Variants in GPSM1 observed in about 807,000 individuals in gnomAD.
GPSM1 encodes G protein signaling modulator 1, also known as G protein-signaling modulator 1.
A neutral mutation model predicts 70.5 loss-of-function variants in GPSM1; 48 were observed. The ratio of observed to expected loss-of-function variants is 0.68; its 90% CI spans 0.54 to 0.87. The LOEUF (loss-of-function observed/expected upper bound fraction) is 0.87, where lower values mean the gene tolerates loss of function less well. GPSM1 is among the 40% of genes least tolerant of loss of function. The probability of loss-of-function intolerance (pLI) is 0.00; values close to 1 mark genes in which losing one functional copy is unlikely to be tolerated. For synonymous variants in GPSM1, 416 were observed against 430.1 expected, an observed-to-expected ratio of 0.97 and a Z score of 0.41; for missense variants, 981 against 972.6, an observed-to-expected ratio of 1.01 and a Z score of -0.11.
chr9:136,339,145 C>T (rs1233222522), intron 7 of GPSM1, among the ~76,000 whole-genome samples: 3 of 152,160 alleles, frequency 2.0e-5, no homozygotes, highest in African/African-American at 7.2e-5. Context: ...TGCCTGGAGG[C>T]TTAAAAGTGG....
rs781879530 is a variant in GPSM1, at chr9:136,358,171, C to T, written c.1979C>T (p.Ala660Val). ...CTCGCCGGGGGCCCGGAGCAGGGGGCAGGCGGCCCGCCCGAGCCCCAGCAG... is the reference window on the plus strand; with the variant it reads ...CTCGCCGGGGGCCCGGAGCAGGGGGTAGGCGGCCCGCCCGAGCCCCAGCAG... The part of the protein sequence containing the change: ...VDLAGGPEQG[A>V]GGPPEPQQQC... The change falls in exon 14 of 14, where the codon GCA (alanine) becomes GTA (valine). Residue 660 changes from alanine to valine, a missense_variant. Physicochemically the swap from Ala to Val is moderately conservative, Grantham distance 64. Transcript: ENST00000440944. 1.3e-6 allele frequency: 2 copies of T among 1,582,058 alleles called. No individual in the cohort carries two copies. The highest frequency in any genetic ancestry group is 8.6e-7 in the Non-Finnish European group (1 of 1,165,996).
At chr9:136,345,382 C>A (rs1554771108) in intron 9 of GPSM1, among the ~76,000 whole-genome samples, 1 of 152,322 alleles carries the variant, frequency 6.6e-6, no homozygotes, top group Non-Finnish European at 1.5e-5. Context: ...CAGCCAAGGG[C>A]GCTGGACTCA....
At chr9:136,330,383 C>T (rs1832073387) in intron 1 of GPSM1, among the ~76,000 whole-genome samples, 1 of 152,142 alleles carries the variant, frequency 6.6e-6, no homozygotes, top group Non-Finnish European at 1.5e-5. Context: ...ATCCTTCCTC[C>T]CTCCCCTGTC....
At chr9:136,333,772 C>T (rs113348562) in intron 1 of GPSM1, among the ~76,000 whole-genome samples, 6,007 of 152,244 alleles carry the variant, frequency 0.039, 155 homozygotes, top group East Asian at 0.094. Context: ...CTGGCAGCGG[C>T]GAGCGCTTAG....
chr9:136,356,034 C>T (rs1398254662), intron 12 of GPSM1, among the ~76,000 whole-genome samples, 188 bp downstream of exon 12: 5 of 152,108 alleles, frequency 3.3e-5, no homozygotes, highest in Non-Finnish European at 4.4e-5. Context: ...GTCATCAGCC[C>T]GCCCTCCGGG....
At chr9:136,350,114 C>T (rs1832624005) in intron 11 of GPSM1, among the ~76,000 whole-genome samples, 2 of 152,232 alleles carry the variant, frequency 1.3e-5, no homozygotes, top group Admixed American at 6.5e-5. Flanking sequence ...CTTCAGGTGG[C>T]CTCTCTCTCT....
intron 13 of GPSM1, among the ~76,000 whole-genome samples, chr9:136,356,932 C>T (rs1339687581): frequency 6.6e-6 from 1 of 152,198 alleles, no homozygotes; most frequent in African/African-American, 2.4e-5. Flanking sequence ...CAGATAGCAC[C>T]CCCAGAGTGG....
Position 136,354,196 on chromosome 9 carries a change from C to T in GPSM1, c.1456-1494C>T, listed in dbSNP as rs946153552. Among the ~76,000 whole-genome samples, 7 of 152,218 alleles carry T rather than the reference C, an allele frequency of 4.6e-5. No individual in the cohort carries two copies. In the East Asian group the frequency reaches 1.3e-3, roughly 29 times the overall value. ...CTAAAACAGGGCTGTCCACAGGGCC[C>T]TCGGCTCAGCTCAAGGGTCTGAATC... is the stretch of plus-strand genomic sequence containing the variant. On this transcript the variant is annotated intron_variant, in intron 11 of 13. Coordinates refer to ENST00000440944, the MANE Select transcript of GPSM1 (RefSeq NM_001145638.3).
Position 136,349,723 on chromosome 9 carries a change from C to T in GPSM1, c.1415C>T (p.Pro472Leu), listed in dbSNP as rs782530274. The change falls in exon 11 of 14, where the codon CCG (proline) becomes CTG (leucine). Residue 472 changes from proline (P) to leucine (L), a missense_variant. Coordinates refer to ENST00000440944, the MANE Select transcript of GPSM1 (RefSeq NM_001145638.3). ...ERRPREGSHS[P>L]LDSADVRVHV... ...AGGCCCCGGGAGGGCAGCCACTCCC[C>T]GCTGGACAGCGCCGACGTCCGGGTG... is the stretch of plus-strand genomic sequence containing the variant. 2.3e-5 allele frequency: 36 copies of T among 1,576,770 alleles called. No individual in the cohort carries two copies. In the South Asian group the frequency reaches 2.6e-4, roughly 11 times the overall value.
At position 136,333,305 on chromosome 9, in the gene GPSM1, C is replaced by G. The variant is rs115897436; in HGVS notation, c.69-1142C>G. ...TGTGTCCTCCCCCCGCGACCCTCCACCCAGGGCAGCGCAGCAGCCTGAGGC... is the reference window on the plus strand; with the variant it reads ...TGTGTCCTCCCCCCGCGACCCTCCAGCCAGGGCAGCGCAGCAGCCTGAGGC... On this transcript the variant is annotated intron_variant, in intron 1 of 13. Transcript: ENST00000440944. 7.6e-3 allele frequency among the ~76,000 whole-genome samples: 1,156 copies of G among 152,346 alleles called. 19 individuals carry two copies. Among genetic ancestry groups the G allele is most frequent in the African/African-American group, 0.026 (1,090 of 41,570 alleles).
At chr9:136,357,361 G>A (rs1305935712) in intron 13 of GPSM1, among the ~76,000 whole-genome samples, 2 of 152,152 alleles carry the variant, frequency 1.3e-5, no homozygotes, top group African/African-American at 4.8e-5. Context: ...GGGGCCAGGC[G>A]TCCGACCAGC....
chr9:136,351,374 ACCTGCCCTGTCCACAGCTGGC>A (rs1249910773), intron 11 of GPSM1, among the ~76,000 whole-genome samples: 8 of 151,920 alleles, frequency 5.3e-5, no homozygotes, highest in Middle Eastern at 3.2e-3. Context: ...GGACCCAGAC[ACCTGCCCTGTCCACAGCTGGC>A]CCTGCCCTGT....
intron 11 of GPSM1, among the ~76,000 whole-genome samples, chr9:136,352,113 G>A (rs28409364): frequency 0.69 from 57,048 of 83,228 alleles, 19,915 homozygotes; most frequent in East Asian, 0.91. Flanking sequence ...TGACACCAAT[G>A]CTGCGCCGTT....
At chr9:136,334,700 T>C (rs1832187310) in intron 2 of GPSM1, 32 bp downstream of exon 2, 3 of 1,557,604 alleles carry the variant, frequency 1.9e-6, no homozygotes, top group Non-Finnish European at 2.6e-6. Flanking sequence ...GGCGGGTGAG[T>C]GGGGCGGCCC....
At chr9:136,334,009 G>A (rs1832164623) in intron 1 of GPSM1, among the ~76,000 whole-genome samples, 1 of 151,260 alleles carries the variant, frequency 6.6e-6, no homozygotes, top group East Asian at 2.0e-4. Flanking sequence ...AGTTGTTCTT[G>A]GTGGGAATTA....
Position 136,337,551 on chromosome 9 carries a change from C to T in GPSM1, c.689C>T (p.Thr230Ile). 1 of 1,557,248 alleles carries T rather than the reference C, an allele frequency of 6.4e-7. No homozygotes were observed. The highest frequency in any genetic ancestry group is 8.7e-7 in the Non-Finnish European group (1 of 1,150,534). Residue 230 changes from threonine to isoleucine, a missense_variant, in exon 5 of 14, where the codon ACC (threonine) becomes ATC (isoleucine). Transcript: ENST00000440944. ...TTGGGGAACTTCACAGAGGCCACGA[C>T]CTTCCACAAGGAGGTGAGCCGGGCA... ...YLLGNFTEATTFHKERLAIAK... is the reference protein window; with the variant it reads ...YLLGNFTEATIFHKERLAIAK...
intron 10 of GPSM1, 52 bp downstream of exon 10, chr9:136,348,819 G>A: frequency 7.1e-7 from 1 of 1,417,802 alleles, no homozygotes; most frequent in South Asian, 1.2e-5. Flanking sequence ...CAGAGCATGG[G>A]CAGCGGGGTT....
At chr9:136,349,856 G>A in intron 11 of GPSM1, 93 bp downstream of exon 11, 1 of 1,263,528 alleles carries the variant, frequency 7.9e-7, no homozygotes. Context: ...GCCAGGTCAG[G>A]CCCGGGCACT....
chr9:136,337,387 G>T (rs1342321432), intron 4 of GPSM1, 54 bp from the exon 5 acceptor site: 12 of 1,552,654 alleles, frequency 7.7e-6, no homozygotes, highest in African/African-American at 1.4e-5. Flanking sequence ...CTAGCCTGGG[G>T]TGGGTGAGGA....
Sources: allele counts gnomAD v4.1 joint callset (sites outside exome capture counted in the v4.1 genomes callset), GRCh38; gene constraint gnomAD v4.1.1; transcripts MANE v1.5; gene names NCBI Gene and HGNC (gene_info 2026-07-23, HGNC 2026-07-21).